PPP5C: variants seen among roughly 807,000 people sequenced by gnomAD.
PPP5C encodes the protein protein phosphatase 5 catalytic subunit.
A neutral mutation model predicts 66.7 loss-of-function variants in PPP5C; 21 were observed. The observed-to-expected ratio is 0.31, with a 90% CI of 0.22 to 0.45. The LOEUF is 0.45. Ranked by LOEUF, PPP5C falls within the 20% of genes least tolerant of loss-of-function variation. The pLI, the probability that PPP5C is intolerant of heterozygous loss-of-function variation, is 1.00. For synonymous variants in PPP5C, 246 were observed against 257.4 expected (o/e 0.96, Z 0.43); for missense variants, 464 against 675.9 (o/e 0.69, Z 3.48).
chr19:46,368,038 T>C (rs1972520633), intron 2 of PPP5C, among the ~76,000 whole-genome samples: 1 of 152,120 alleles, frequency 6.6e-6, no homozygotes, highest in Admixed American at 6.5e-5. Flanking sequence ...GTAAGGGCCA[T>C]TATGGTGGGA....
intron 7 of PPP5C, among the ~76,000 whole-genome samples, chr19:46,385,393 C>T (rs1487845006): frequency 6.6e-6 from 1 of 152,146 alleles, no homozygotes; most frequent in Non-Finnish European, 1.5e-5. Flanking sequence ...CCTGTAATCC[C>T]AGCACTTTGG....
Position 46,376,439 on chromosome 19 carries a change from T to C in PPP5C, c.512-14T>C. ...GTGGTCACTGACTCTCGTGTCCCGT[T>C]GTTCACACCCTAGCCATTGAGGATG... On this transcript the variant is annotated splice_polypyrimidine_tract_variant and intron_variant, in intron 3 of 12. Coordinates refer to ENST00000012443, the MANE Select transcript of PPP5C (RefSeq NM_006247.4). This position sits in a 1 kb window ranked among gnomAD's most constrained non-coding sequence, Gnocchi z 5.1. 6.2e-7 allele frequency: 1 copy of C among 1,612,686 alleles called. No individual in the cohort carries two copies.
chr19:46,368,089 A>T (rs531185922), intron 2 of PPP5C, among the ~76,000 whole-genome samples: 1 of 152,322 alleles, frequency 6.6e-6, no homozygotes, highest in African/African-American at 2.4e-5. Context: ...TACCTAGGAA[A>T]ATTGTAAATC....
In PPP5C at chr19:46,388,451, G is replaced by GAT; in HGVS notation, c.1176+4_1176+5insTA. The GAT allele has an allele frequency of 1.2e-6, 2 of 1,612,424 alleles. No individual in the cohort carries two copies. The highest frequency in any genetic ancestry group is 1.7e-6 in the Non-Finnish European group (2 of 1,178,694). On this transcript the variant is annotated splice_donor_region_variant and intron_variant, in intron 10 of 12. Coordinates refer to ENST00000012443, the MANE Select transcript of PPP5C (RefSeq NM_006247.4). The surrounding 1 kb of genome is among the most constrained non-coding windows in gnomAD (Gnocchi z 4.9). ...TCTGGTCAGATCCACAGCCACAGGT[G>GAT]AGTCTAGGGTGGGGTGCAGGGCCGG...
intron 2 of PPP5C, among the ~76,000 whole-genome samples, chr19:46,364,140 A>G (rs1225860640): frequency 6.6e-6 from 1 of 152,230 alleles, no homozygotes; most frequent in African/African-American, 2.4e-5. Flanking sequence ...GGGATTGTGT[A>G]TAATTAGGAG....
intron 4 of PPP5C, among the ~76,000 whole-genome samples, chr19:46,380,913 A>C (rs924456335): frequency 1.3e-5 from 2 of 152,046 alleles, no homozygotes; most frequent in African/African-American, 4.8e-5. Flanking sequence ...ATCTTTCATT[A>C]GTTTTGGAAA....
In PPP5C at chr19:46,390,286, T is replaced by C. The variant is rs772017908; in HGVS notation, c.1440T>C (p.Pro480=). The change falls in exon 13 of 13, where the codon CCT becomes CCC. Residue 480 remains proline, a splice_region_variant and synonymous_variant. Coordinates refer to ENST00000012443, the MANE Select transcript of PPP5C (RefSeq NM_006247.4). ...RPQFHQFTAV[P]HPNVKPMAYA... Reference sequence around the variant, plus strand: ...TCCCACCTGCCCTGGTCCCACAGCCTCATCCCAACGTCAAGCCCATGGCCT... The same window carrying C: ...TCCCACCTGCCCTGGTCCCACAGCCCCATCCCAACGTCAAGCCCATGGCCT... 6.3e-6 allele frequency: 10 copies of C among 1,592,950 alleles called. No homozygotes were observed. The Admixed American group carries it at 1.4e-4, about 23-fold the overall frequency.
intron 2 of PPP5C, among the ~76,000 whole-genome samples, chr19:46,368,063 G>A (rs562263640): frequency 6.6e-6 from 1 of 152,302 alleles, no homozygotes; most frequent in African/African-American, 2.4e-5. Context: ...CTAAATGGAA[G>A]CCATAGAGCT....
rs923353760 is a variant in PPP5C at position 46,375,702 on chromosome 19, C to T, written c.462C>T (p.Gly154=). 4.3e-6 allele frequency: 7 copies of T among 1,611,934 alleles called. No homozygotes were observed. Among genetic ancestry groups the T allele is most frequent in the African/African-American group, 2.7e-5 (2 of 74,884 alleles). ...AGGCCTTTGAGCGGGCCATCGCGGG[C>T]GACGAGCACAAGCGCTCCGTGGTGG... is the stretch of plus-strand genomic sequence containing the variant. ...KQKAFERAIA[G]DEHKRSVVDS... Residue 154 remains glycine (G), a synonymous_variant, in exon 3 of 13, where the codon GGC becomes GGT. Transcript: ENST00000012443.
intron 1 of PPP5C, among the ~76,000 whole-genome samples, chr19:46,348,950 G>A (rs1972135106): frequency 2.0e-5 from 3 of 152,188 alleles, no homozygotes; most frequent in African/African-American, 4.8e-5. Context: ...ATTGGGGAGT[G>A]ATGGGGGTGA....
chr19:46,389,485 G>A lies in PPP5C; in HGVS notation c.1356-566G>A, dbSNP rs564942728. ...CAGTGTTGATCCCTTGCCCCCACCC[G>A]AATCCTGCCAAGTTCTCTTTCTCCT... On this transcript the variant is annotated intron_variant, in intron 11 of 12. Transcript: ENST00000012443. Among the ~76,000 whole-genome samples, 6 of 136,824 alleles carry A rather than the reference G, an allele frequency of 4.4e-5. No individual in the cohort carries two copies. The South Asian group carries it at 6.8e-4, about 16-fold the overall frequency. 89.8% of individuals were successfully genotyped at this position (136,824 alleles called of 152,430 possible). A position where few individuals can be genotyped will look rare whatever the true frequency, so the allele number is the denominator to read the frequency against.
At position 46,353,764 on chromosome 19, in the gene PPP5C, C is replaced by T. The variant is rs146577092; in HGVS notation, c.138C>T (p.Asn46=). 7.9e-4 allele frequency: 1,270 copies of T among 1,614,168 alleles called. 19 individuals are homozygous for T. The East Asian group carries it at 0.025, about 32-fold the overall frequency. The change falls in exon 2 of 13, where the codon AAC becomes AAT. Residue 46 remains asparagine, a synonymous_variant. Coordinates refer to ENST00000012443, the MANE Select transcript of PPP5C (RefSeq NM_006247.4). ...NDYFKAKDYE[N]AIKFYSQAIE... is the part of the protein sequence containing the mutation. ...TCTCCGCAGCCAAGGACTACGAGAA[C>T]GCCATCAAGTTCTACAGCCAGGCCA... is the stretch of plus-strand genomic sequence containing the variant.
chr19:46,358,337 G>A (rs934991116), intron 2 of PPP5C, among the ~76,000 whole-genome samples: 1 of 152,144 alleles, frequency 6.6e-6, no homozygotes, highest in Non-Finnish European at 1.5e-5. Flanking sequence ...AGACCAGTCA[G>A]GTTTGCAGGT....
chr19:46,364,626 G>T (rs574510096), intron 2 of PPP5C, among the ~76,000 whole-genome samples: 20 of 152,004 alleles, frequency 1.3e-4, no homozygotes, highest in African/African-American at 4.6e-4. Flanking sequence ...GCAGACAGTT[G>T]GAGCATTTAA....
rs373009029 is a variant in PPP5C, at chr19:46,383,498, G to A, written c.699+22G>A. ...AGAGGTGCGCGTTGTGGGGCAGTGC[G>A]GGGAGGGCCAGCGGGGGTGGGCTCT... On this transcript the variant is annotated intron_variant, in intron 5 of 12. Transcript: ENST00000012443. This position sits in a 1 kb window ranked among gnomAD's most constrained non-coding sequence, Gnocchi z 5.0. The A allele has an allele frequency of 2.0e-5, 31 of 1,587,096 alleles. No homozygotes were observed. Among genetic ancestry groups the A allele is most frequent in the Admixed American group, 1.0e-4 (6 of 58,188 alleles).
At position 46,347,132 on chromosome 19, in the gene PPP5C, T is replaced by A; in HGVS notation, c.36T>A (p.Ala12=). 1 of 1,605,266 alleles carries A rather than the reference T, an allele frequency of 6.2e-7. No homozygotes were observed. The highest frequency in any genetic ancestry group is 8.5e-7 in the Non-Finnish European group (1 of 1,176,234). The change falls in exon 1 of 13, where the codon GCT becomes GCA. Residue 12 remains alanine (A), a synonymous_variant. Coordinates refer to ENST00000012443, the MANE Select transcript of PPP5C (RefSeq NM_006247.4). ...AMAEGERTEC[A]EPPRDEPPAD... ...CGGAGGGCGAGAGGACTGAGTGTGC[T>A]GAGCCCCCCCGGGACGAACCCCCGG...
Position 46,388,268 on chromosome 19 carries a change from T to G in PPP5C, c.1136-140T>G. ...CAGTCACCTGTCCTGAATGTCCATG[T>G]CCATGCTGGATGTCCCCTGCCCAAC... On this transcript the variant is annotated intron_variant, in intron 9 of 12. Coordinates refer to ENST00000012443, the MANE Select transcript of PPP5C (RefSeq NM_006247.4). The surrounding 1 kb of genome is among the most constrained non-coding windows in gnomAD (Gnocchi z 4.9). 1 of 862,684 alleles carries G rather than the reference T, an allele frequency of 1.2e-6. No individual in the cohort carries two copies. Among genetic ancestry groups the G allele is most frequent in the Non-Finnish European group, 1.8e-6 (1 of 568,258 alleles). The allele number at this position is 862,684 out of a possible 1,614,324, so 53.4% of individuals were successfully genotyped here. A position where few individuals can be genotyped will look rare whatever the true frequency, so the allele number is the denominator to read the frequency against.
chr19:46,360,401 G>T (rs2147369846), intron 2 of PPP5C, among the ~76,000 whole-genome samples: 1 of 152,116 alleles, frequency 6.6e-6, no homozygotes, highest in East Asian at 1.9e-4. Flanking sequence ...GTCTCTCTTG[G>T]TCTTCCGGGG....
In PPP5C at chr19:46,390,507, G is replaced by T; in HGVS notation, c.*161G>T. The T allele has an allele frequency of 6.8e-7, 1 of 1,467,598 alleles. No homozygotes were observed. The highest frequency in any genetic ancestry group is 9.0e-7 in the Non-Finnish European group (1 of 1,108,560). The allele number at this position is 1,467,598 out of a possible 1,614,324, so 90.9% of individuals were successfully genotyped here. A position where few individuals can be genotyped will look rare whatever the true frequency, so the allele number is the denominator to read the frequency against. On this transcript the variant is annotated 3_prime_UTR_variant, in exon 13 of 13. Transcript: ENST00000012443. ...CCCTTTAGGTTTGCAGAGGGGGTAG[G>T]GGCAGAGTCAGGGGCTGGCCAGAGG...
Sources: allele counts gnomAD v4.1 joint callset (sites outside exome capture counted in the v4.1 genomes callset), GRCh38; gene constraint gnomAD v4.1.1; non-coding constraint Gnocchi (gnomAD v3.1); transcripts MANE v1.5; gene names NCBI Gene and HGNC (gene_info 2026-07-23, HGNC 2026-07-21).